ITGA10: variants seen among roughly 807,000 people sequenced by gnomAD.
ITGA10 encodes the protein integrin alpha-10.
Under a neutral mutation model 145.2 loss-of-function variants are expected in ITGA10, and 105 were observed. The observed-to-expected ratio is 0.72, with a 90% confidence interval of 0.62 to 0.85. The LOEUF is 0.85. ITGA10 is among the 40% of genes least tolerant of loss of function. ITGA10 has a pLI of 0.00. For synonymous variants in ITGA10, 506 were observed against 557.8 expected, an observed-to-expected ratio of 0.91 and a Z score of 1.31; for missense variants, 1,317 against 1,444.5, an observed-to-expected ratio of 0.91 and a Z score of 1.43.
In ITGA10 at chr1:145,892,618, A is replaced by G; in HGVS notation, c.*180T>C. On this transcript the variant is annotated 3_prime_UTR_variant, in exon 30 of 30. Transcript: ENST00000369304. ...TTTTGGTGCCAGCTCTTCTTGTCTG[A>G]GGTAAAGCCTCATCTCTAGCCAGCA... 1 of 522,860 alleles carries G rather than the reference A, an allele frequency of 1.9e-6. No homozygotes were observed. The highest frequency in any genetic ancestry group is 3.4e-6 in the Non-Finnish European group (1 of 293,532). The allele number at this position is 522,860 out of a possible 1,614,324, so 32.4% of individuals were successfully genotyped here. A position where few individuals can be genotyped will look rare whatever the true frequency, so the allele number is the denominator to read the frequency against.
chr1:145,898,324 G>T, intron 17 of ITGA10, 101 bp from the exon 18 acceptor site: 1 of 564,614 alleles, frequency 1.8e-6, no homozygotes, highest in South Asian at 3.4e-5. Flanking sequence ...ACTGTCCTAA[G>T]ATCTTAACTG....
At chr1:145,894,503 T>G (rs781828210) in intron 27 of ITGA10, among the ~76,000 whole-genome samples, 1 of 152,112 alleles carries the variant, frequency 6.6e-6, no homozygotes, top group Non-Finnish European at 1.5e-5. Context: ...AGAAGGGTGG[T>G]TTATTGGACT....
At chr1:145,909,275 G>C (rs1262864412) in intron 1 of ITGA10, among the ~76,000 whole-genome samples, 3 of 151,306 alleles carry the variant, frequency 2.0e-5, no homozygotes, top group Non-Finnish European at 2.9e-5. Flanking sequence ...ACTCCAGCTT[G>C]AATGACAGAG....
chr1:145,892,172 G>C lies in ITGA10; in HGVS notation c.*626C>G, dbSNP rs1654821881. 6.5e-6 allele frequency: 1 copy of C among 152,794 alleles called. No homozygotes were observed. Among genetic ancestry groups the C allele is most frequent in the South Asian group, 2.1e-4 (1 of 4,840 alleles). The allele number at this position is 152,794 out of a possible 1,614,324, so 9.5% of individuals were successfully genotyped here. Reference sequence around the variant, plus strand: ...GTGCACTACAGGTCTCAGGTTTCAGGGGGGATGGCAGTTGCCTGTCTAAAG... The same window carrying C: ...GTGCACTACAGGTCTCAGGTTTCAGCGGGGATGGCAGTTGCCTGTCTAAAG... On this transcript the variant is annotated 3_prime_UTR_variant, in exon 30 of 30. Transcript: ENST00000369304.
chr1:145,898,438 GGCTCACTGCAA>G (rs1655756441), intron 17 of ITGA10, among the ~76,000 whole-genome samples: 1 of 151,784 alleles, frequency 6.6e-6, no homozygotes, highest in African/African-American at 2.4e-5. Flanking sequence ...GCATGATCTC[GGCTCACTGCAA>G]GCTCTGCCTC....
chr1:145,907,184 G>A, intron 2 of ITGA10, 34 bp from the exon 3 acceptor site: 3 of 1,559,688 alleles, frequency 1.9e-6, no homozygotes, highest in Non-Finnish European at 8.7e-7. Flanking sequence ...GTAAGCACAG[G>A]GCAAACATGA....
chr1:145,901,191 A>C lies in ITGA10; in HGVS notation c.1531T>G (p.Phe511Val). ...GTTTCCTTGTTCTGGGGTCCCAGGAACATGGGGGCAGCCACAAGTAAGACA... is the reference window on the plus strand; with the variant it reads ...GTTTCCTTGTTCTGGGGTCCCAGGACCATGGGGGCAGCCACAAGTAAGACA... ...TDVLLVAAPM[F>V]LGPQNKETGR... The change falls in exon 13 of 30, where the codon TTC becomes GTC. Residue 511 changes from phenylalanine to valine, a missense_variant. Physicochemically the swap from Phe to Val is conservative, Grantham distance 50 (BLOSUM62 -1). Transcript: ENST00000369304. The surrounding 1 kb of genome is among the most constrained non-coding windows in gnomAD (Gnocchi z 4.3). 6.2e-7 allele frequency: 1 copy of C among 1,614,134 alleles called. No homozygotes were observed. The highest frequency in any genetic ancestry group is 2.2e-5 in the East Asian group (1 of 44,890).
rs782613897 is a variant in ITGA10 at position 145,896,020 on chromosome 1, T to C, written c.2996A>G (p.Asn999Ser). ...ALLPAVAHGG[N>S]YFLSLSQVIT... ...GACTTGAGACAGTGATAGGAAGTAA[T>C]TGCCCCCATGGGCCACAGCTGGAAG... Residue 999 changes from asparagine to serine, a missense_variant, in exon 25 of 30, where the codon AAT becomes AGT. Coordinates refer to ENST00000369304, the MANE Select transcript of ITGA10 (RefSeq NM_003637.5). The C allele has an allele frequency of 6.2e-7, 1 of 1,613,954 alleles. No individual in the cohort carries two copies. The highest frequency in any genetic ancestry group is 8.5e-7 in the Non-Finnish European group (1 of 1,179,892).
rs1655596014 is a variant in ITGA10, at chr1:145,897,513, T to A, written c.2573A>T (p.Gln858Leu). The A allele has an allele frequency of 3.1e-6, 5 of 1,613,968 alleles. No homozygotes were observed. The highest frequency in any genetic ancestry group is 2.2e-5 in the South Asian group (2 of 91,082). The change falls in exon 20 of 30, where the codon CAG becomes CTG. Residue 858 changes from glutamine to leucine, a missense_variant and splice_region_variant. Coordinates refer to ENST00000369304, the MANE Select transcript of ITGA10 (RefSeq NM_003637.5). ...RNLHLASLTP[Q>L]RESPIKVECA... Reference sequence around the variant, plus strand: ...CCACACCCCCTCCTCCAAAGGCACCTGAGGAGTGAGACTGGCCAGGTGGAG... The same window carrying A: ...CCACACCCCCTCCTCCAAAGGCACCAGAGGAGTGAGACTGGCCAGGTGGAG...
Position 145,906,718 on chromosome 1 carries a change from C to T in ITGA10, c.366+15G>A, listed in dbSNP as rs1553751239. On this transcript the variant is annotated intron_variant, in intron 4 of 29. Transcript: ENST00000369304. ...GACCTTCAGAGACACTGCCACCACC[C>T]TCTCCTTAGCTCACCATGAATCCCC... The T allele has an allele frequency of 2.5e-6, 4 of 1,584,232 alleles. No homozygotes were observed. The highest frequency in any genetic ancestry group is 1.1e-5 in the South Asian group (1 of 90,340).
chr1:145,906,047 G>A (rs1570909436), intron 5 of ITGA10: 4 of 226,784 alleles, frequency 1.8e-5, no homozygotes, highest in South Asian at 1.2e-4. Context: ...TTAGCCTCCC[G>A]AGTAGATGAG....
chr1:145,909,995 G>GT lies in ITGA10; in HGVS notation c.19dup (p.Thr7AsnfsTer18). 1 of 1,613,460 alleles carries GT rather than the reference G, an allele frequency of 6.2e-7. No homozygotes were observed. The highest frequency in any genetic ancestry group is 8.5e-7 in the Non-Finnish European group (1 of 1,179,540). On this transcript the variant is annotated frameshift_variant, in exon 1 of 30. Coordinates refer to ENST00000369304, the MANE Select transcript of ITGA10 (RefSeq NM_003637.5). LOFTEE classifies it high-confidence loss of function. ...GAACACCAGGGGCAAGAACAGGTGA[G>GT]TGACGAAGGGGAGTTCCATGCCTGA... is the stretch of plus-strand genomic sequence containing the variant.
intron 18 of ITGA10, 23 bp downstream of exon 18, chr1:145,898,087 G>A (rs894229378): frequency 1.3e-5 from 19 of 1,518,162 alleles, no homozygotes; most frequent in Non-Finnish European, 1.7e-5. Flanking sequence ...TGGGAGCAAG[G>A]GGCAGGGCAT....
At chr1:145,903,876 A>G (rs1656722617) in intron 7 of ITGA10, among the ~76,000 whole-genome samples, 176 bp downstream of exon 7, 2 of 151,370 alleles carry the variant, frequency 1.3e-5, no homozygotes. Context: ...TTTAGTAGAG[A>G]TGGGGTTTCT....
At chr1:145,897,390 G>T in intron 20 of ITGA10, 51 bp from the exon 21 acceptor site, 1 of 1,601,676 alleles carries the variant, frequency 6.2e-7, no homozygotes, top group Non-Finnish European at 8.6e-7. Context: ...TGCAACTGCT[G>T]TCCTACCCAC....
intron 29 of ITGA10, 33 bp from the exon 30 acceptor site, chr1:145,892,896 T>C (rs782813249): frequency 1.3e-6 from 2 of 1,568,438 alleles, no homozygotes; most frequent in Non-Finnish European, 8.8e-7. Context: ...CACTGCCAAA[T>C]GCCTAGACTG....
Position 145,901,897 on chromosome 1 carries a change from T to G in ITGA10, c.1274A>C (p.Gln425Pro). 3 of 1,614,160 alleles carry G rather than the reference T, an allele frequency of 1.9e-6. No homozygotes were observed. The highest frequency in any genetic ancestry group is 1.7e-5 in the Admixed American group (1 of 60,012). ...CTCACCCAGGTAGGCTGCATGGTTC[T>G]GCAATGCAGGGGGGAACTCGTCTTC... ...ALEDEFPPALQNHAAYLGYSV... is the reference protein window; with the variant it reads ...ALEDEFPPALPNHAAYLGYSV... The change falls in exon 11 of 30, where the codon CAG (glutamine) becomes CCG (proline). Residue 425 changes from glutamine (Q) to proline (P), a missense_variant. Physicochemically the swap from Gln to Pro is moderately conservative, Grantham distance 76. Transcript: ENST00000369304. The surrounding 1 kb of genome is among the most constrained non-coding windows in gnomAD (Gnocchi z 4.3).
At chr1:145,895,169 C>G (rs1655205791) in intron 27 of ITGA10, 111 bp downstream of exon 27, 1 of 693,304 alleles carries the variant, frequency 1.4e-6, no homozygotes, top group East Asian at 2.8e-5. Flanking sequence ...GGTCAAATAG[C>G]TAGTAAGAGG....
At chr1:145,898,743 G>T (rs868932412) in intron 17 of ITGA10, among the ~76,000 whole-genome samples, 193 bp downstream of exon 17, 8 of 152,142 alleles carry the variant, frequency 5.3e-5, no homozygotes, top group Non-Finnish European at 7.3e-5. Context: ...CTGAGGGTTG[G>T]ACTTGCCAGA....
Sources: gnomAD v4.1 joint callset for allele counts (sites outside exome capture counted in the v4.1 genomes callset) on GRCh38, gnomAD v4.1.1 for gene constraint, Gnocchi (gnomAD v3.1) non-coding constraint, MANE v1.5 for transcripts, NCBI Gene and HGNC (gene_info 2026-07-23, HGNC 2026-07-21) for gene names.